HECA: variants seen among roughly 807,000 people sequenced by gnomAD.
HECA encodes the protein HECA ribonucleoprotein granule regulator, also known as headcase protein homolog.
In HECA, 13 loss-of-function variants were observed where a neutral mutation model predicts 37.6. The ratio of observed to expected loss-of-function variants is 0.35; its 90% CI spans 0.23 to 0.55. The LOEUF (loss-of-function observed/expected upper bound fraction) is 0.55. HECA is among the 20% of genes least tolerant of loss of function. The pLI is 0.90. For missense variants in HECA, 527 were observed against 701.9 expected (o/e 0.75, Z 2.82); for synonymous variants, 307 against 291.5 (o/e 1.05, Z -0.54).
rs910197445 is a variant in HECA, at chr6:139,176,124, A to G, written c.1468-817A>G. On this transcript the variant is annotated intron_variant, in intron 3 of 3. Coordinates refer to ENST00000367658, the MANE Select transcript of HECA (RefSeq NM_016217.3). This position sits in a 1 kb window ranked among gnomAD's most constrained non-coding sequence, Gnocchi z 4.5. The stretch of plus-strand genomic sequence containing the variant: ...AGATTACGTAGTTAAAAGAGTGTTT[A>G]TCTCAGGTTACAGAAAAGTAGTTCC... Among the ~76,000 whole-genome samples, 1 of 152,216 alleles carries G rather than the reference A, an allele frequency of 6.6e-6. No individual in the cohort carries two copies. The highest frequency in any genetic ancestry group is 2.4e-5 in the African/African-American group (1 of 41,448).
chr6:139,155,341 G>GT (rs1036593437), intron 1 of HECA, among the ~76,000 whole-genome samples: 2 of 152,168 alleles, frequency 1.3e-5, no homozygotes, highest in African/African-American at 4.8e-5. Context: ...GTTACTCTGG[G>GT]TGAGTCAGTG....
At chr6:139,142,407 G>A (rs936208981) in intron 1 of HECA, among the ~76,000 whole-genome samples, 5 of 152,140 alleles carry the variant, frequency 3.3e-5, no homozygotes, top group African/African-American at 1.2e-4. Context: ...AATACATGCT[G>A]ACAGATTGCC....
chr6:139,140,506 G>A (rs1016501421), intron 1 of HECA, among the ~76,000 whole-genome samples: 5 of 152,300 alleles, frequency 3.3e-5, no homozygotes, highest in African/African-American at 1.2e-4. Flanking sequence ...TGCTCTATGC[G>A]CAGTCTCGTC....
intron 1 of HECA, among the ~76,000 whole-genome samples, chr6:139,138,962 G>GT (rs1200606001): frequency 6.6e-6 from 1 of 152,188 alleles, no homozygotes; most frequent in Non-Finnish European, 1.5e-5. Flanking sequence ...TAGATACGTA[G>GT]TTTCATTCTG....
intron 2 of HECA, among the ~76,000 whole-genome samples, chr6:139,173,380 G>A (rs1046567896): frequency 2.0e-5 from 3 of 152,092 alleles, no homozygotes; most frequent in Admixed American, 2.0e-4. Context: ...GGAGGAAGGG[G>A]GTCATGCAAG....
intron 1 of HECA, among the ~76,000 whole-genome samples, chr6:139,160,210 A>T (rs989880891): frequency 3.3e-5 from 5 of 152,220 alleles, no homozygotes; most frequent in African/African-American, 1.2e-4. Context: ...TGACTACTTG[A>T]TGATGAACCT....
Position 139,174,557 on chromosome 6 carries a change from T to C in HECA, c.1467+18T>C. 6.2e-7 allele frequency: 1 copy of C among 1,610,542 alleles called. No homozygotes were observed. The highest frequency in any genetic ancestry group is 1.1e-5 in the South Asian group (1 of 90,794). On this transcript the variant is annotated intron_variant, in intron 3 of 3. Coordinates refer to ENST00000367658, the MANE Select transcript of HECA (RefSeq NM_016217.3). ...GTTGTCAGGTAGGTACTGAACACACTGAGGGAGCAGTGGGTGATATTAGGC... is the reference window on the plus strand; with the variant it reads ...GTTGTCAGGTAGGTACTGAACACACCGAGGGAGCAGTGGGTGATATTAGGC...
Position 139,166,645 on chromosome 6 carries a change from AGG to A in HECA, c.635_636del (p.Gly212GlufsTer5). On this transcript the variant is annotated frameshift_variant, in exon 2 of 4. Transcript: ENST00000367658. LOFTEE classifies it high-confidence loss of function. ...AGAAGTCTGGCTCCGAGAAGAACAC[AGG>A]GAGGCCTCCTGGTGAGGCGGCGGAG... The part of the protein sequence containing the change: ...KKKSGSEKNT[G>X]RPPGEAAEEA... 1 of 1,614,196 alleles carries A rather than the reference AGG, an allele frequency of 6.2e-7. No individual in the cohort carries two copies. Among genetic ancestry groups the A allele is most frequent in the Non-Finnish European group, 8.5e-7 (1 of 1,180,042 alleles).
rs1775023857 is a variant in HECA at position 139,174,542 on chromosome 6, A to T, written c.1467+3A>T. Reference sequence around the variant, plus strand: ...TGGCTGCCTCTCCATGTTGTCAGGTAGGTACTGAACACACTGAGGGAGCAG... The same window carrying T: ...TGGCTGCCTCTCCATGTTGTCAGGTTGGTACTGAACACACTGAGGGAGCAG... On this transcript the variant is annotated splice_donor_region_variant and intron_variant, in intron 3 of 3. Transcript: ENST00000367658. 1.2e-6 allele frequency: 2 copies of T among 1,613,900 alleles called. No homozygotes were observed. Among genetic ancestry groups the T allele is most frequent in the African/African-American group, 1.3e-5 (1 of 75,054 alleles).
Position 139,135,302 on chromosome 6 carries a change from T to G in HECA, c.-95T>G, listed in dbSNP as rs1774415838. ...CCGCCGGCTCGCGCCCTCCGTTCTT[T>G]CCCGGAGCCGGCTTCACGCAGGGCC... On this transcript the variant is annotated 5_prime_UTR_variant, in exon 1 of 4. Transcript: ENST00000367658. The G allele has an allele frequency of 9.6e-7, 1 of 1,038,762 alleles. No homozygotes were observed. The highest frequency in any genetic ancestry group is 4.7e-5 in the Admixed American group (1 of 21,062). 64.3% of individuals were successfully genotyped at this position (1,038,762 alleles called of 1,614,324 possible).
intron 3 of HECA, 26 bp downstream of exon 3, chr6:139,174,565 C>T: frequency 6.2e-7 from 1 of 1,604,788 alleles, no homozygotes; most frequent in Non-Finnish European, 8.5e-7. Flanking sequence ...ACTGAGGGAG[C>T]AGTGGGTGAT....
chr6:139,168,431 T>G (rs867935376), intron 2 of HECA, among the ~76,000 whole-genome samples: 1 of 151,756 alleles, frequency 6.6e-6, no homozygotes, highest in Non-Finnish European at 1.5e-5. Context: ...CATAGTTTTT[T>G]TTTTTTTTTT....
intron 2 of HECA, among the ~76,000 whole-genome samples, chr6:139,171,137 G>T (rs1418889265): frequency 6.6e-6 from 1 of 152,084 alleles, no homozygotes; most frequent in Non-Finnish European, 1.5e-5. Flanking sequence ...AGCAAACATG[G>T]TTAAAAATAA....
Position 139,148,934 on chromosome 6 carries a change from T to C in HECA, c.271+13267T>C, listed in dbSNP as rs146519800. On this transcript the variant is annotated intron_variant, in intron 1 of 3. Transcript: ENST00000367658. Reference sequence around the variant, plus strand: ...GTTTTTTTCCAGCTATGTAGGACTTTGACACTTGTAGATAAAGACTCATTA... The same window carrying C: ...GTTTTTTTCCAGCTATGTAGGACTTCGACACTTGTAGATAAAGACTCATTA... Among the ~76,000 whole-genome samples, 10 of 152,272 alleles carry C rather than the reference T, an allele frequency of 6.6e-5. No individual in the cohort carries two copies. The East Asian group carries it at 7.8e-4, about 12-fold the overall frequency.
At chr6:139,137,033 G>T (rs1206120020) in intron 1 of HECA, among the ~76,000 whole-genome samples, 1 of 152,188 alleles carries the variant, frequency 6.6e-6, no homozygotes, top group Non-Finnish European at 1.5e-5. Flanking sequence ...TGTAGGCCCC[G>T]TTGGCTGTGT....
chr6:139,148,756 ACT>A (rs1238973731), intron 1 of HECA, among the ~76,000 whole-genome samples: 1 of 148,934 alleles, frequency 6.7e-6, no homozygotes, highest in Admixed American at 6.7e-5. Flanking sequence ...TTAGAGGGAG[ACT>A]CTGTCTCCAA....
At chr6:139,144,927 G>A (rs1774564611) in intron 1 of HECA, among the ~76,000 whole-genome samples, 1 of 152,128 alleles carries the variant, frequency 6.6e-6, no homozygotes, top group African/African-American at 2.4e-5. Context: ...TACTAATTGA[G>A]GTTAACATCA....
At chr6:139,167,989 A>G (rs776760820) in intron 2 of HECA, among the ~76,000 whole-genome samples, 8 of 152,242 alleles carry the variant, frequency 5.3e-5, no homozygotes, top group African/African-American at 9.6e-5. Context: ...ACTTCCATAA[A>G]GATGAGACAC....
intron 1 of HECA, among the ~76,000 whole-genome samples, chr6:139,159,426 C>A (rs1319363190): frequency 6.6e-6 from 1 of 152,116 alleles, no homozygotes; most frequent in African/African-American, 2.4e-5. Context: ...TCCCATGGAA[C>A]CGGGACTTAC....
Sources: allele counts gnomAD v4.1 joint callset (sites outside exome capture counted in the v4.1 genomes callset), GRCh38; gene constraint gnomAD v4.1.1; non-coding constraint Gnocchi (gnomAD v3.1); transcripts MANE v1.5; gene names NCBI Gene and HGNC (gene_info 2026-07-23, HGNC 2026-07-21).